DOCK8: variants seen among roughly 807,000 people sequenced by gnomAD.
The protein encoded by DOCK8 is dedicator of cytokinesis protein 8.
DOCK8 carries 141 observed loss-of-function variants against 245.6 expected under a neutral mutation model. That is an observed-to-expected ratio of 0.57 (90% CI 0.50 to 0.66). The LOEUF is 0.66. Among genes scored for constraint, DOCK8 ranks in the 30% least tolerant of loss-of-function variants. DOCK8 has a pLI of 0.00. For missense variants in DOCK8, 2,965 were observed against 2,603.4 expected, an observed-to-expected ratio of 1.14 and a Z score of -3.02; for synonymous variants, 1,168 against 970.2, an observed-to-expected ratio of 1.20 and a Z score of -3.79.
At chr9:415,177 C>T (rs1448872723) in intron 29 of DOCK8, among the ~76,000 whole-genome samples, 1 of 152,170 alleles carries the variant, frequency 6.6e-6, no homozygotes, top group African/African-American at 2.4e-5. Context: ...TTACTTGTTT[C>T]TTCATTCATT....
rs570234541 is a variant in DOCK8 at position 387,202 on chromosome 9, C to T, written c.2874+776C>T. On this transcript the variant is annotated intron_variant, in intron 23 of 47. Coordinates refer to ENST00000432829, the MANE Select transcript of DOCK8 (RefSeq NM_203447.4). ...TTCATACCTGTATTCCCAGCACTTT[C>T]GGAGGCCGAGGTGGGTGGATCACCT... Among the ~76,000 whole-genome samples the T allele has an allele frequency of 5.3e-5, 8 of 152,130 alleles. No homozygotes were observed. In the South Asian group the frequency reaches 8.3e-4, roughly 16 times the overall value.
rs1173666593 is a variant in DOCK8 at position 421,071 on chromosome 9, G to A, written c.4146G>A (p.Arg1382=). 1 of 1,614,054 alleles carries A rather than the reference G, an allele frequency of 6.2e-7. No homozygotes were observed. The highest frequency in any genetic ancestry group is 1.1e-5 in the South Asian group (1 of 91,082). The change falls in exon 32 of 48, where the codon CGG becomes CGA. Residue 1382 remains arginine (R), a synonymous_variant. Transcript: ENST00000432829. ...EGARGEMMRR[R]APGNDRFPGL... is the part of the protein sequence containing the mutation. ...CCAGAGGGGAGATGATGCGCCGCCGGGCTCCAGGTGTGTTGGACTGGCCCT... is the reference window on the plus strand; with the variant it reads ...CCAGAGGGGAGATGATGCGCCGCCGAGCTCCAGGTGTGTTGGACTGGCCCT...
intron 10 of DOCK8, among the ~76,000 whole-genome samples, chr9:333,471 C>G (rs187704987): frequency 4.9e-4 from 74 of 152,094 alleles, no homozygotes; most frequent in Non-Finnish European, 6.0e-4. Flanking sequence ...CATGGTGGCA[C>G]GTGCCTGTAT....
intron 1 of DOCK8, among the ~76,000 whole-genome samples, chr9:250,517 C>G (rs1289148334): frequency 1.3e-5 from 2 of 152,144 alleles, no homozygotes; most frequent in African/African-American, 4.8e-5. Flanking sequence ...CTGGGTTTTT[C>G]CTTATTGGGA....
intron 15 of DOCK8, 169 bp downstream of exon 15, chr9:368,304 A>T: frequency 1.3e-6 from 1 of 761,018 alleles, no homozygotes. Flanking sequence ...AAACAGGGTC[A>T]GTCTTACTTG....
rs193083809 is a variant in DOCK8 at position 230,390 on chromosome 9, A to G, written c.53+15361A>G. ...GTGCATGTGTCTTTATAGCAGCATG[A>G]TTTATAGTCCTTTGGGAATATACCC... On this transcript the variant is annotated intron_variant, in intron 1 of 47. Coordinates refer to ENST00000432829, the MANE Select transcript of DOCK8 (RefSeq NM_203447.4). 6.9e-3 allele frequency among the ~76,000 whole-genome samples: 1,047 copies of G among 152,262 alleles called. 9 individuals are homozygous for G. Among genetic ancestry groups the G allele is most frequent in the Middle Eastern group, 0.037 (11 of 294 alleles).
intron 6 of DOCK8, among the ~76,000 whole-genome samples, chr9:316,057 T>C (rs1172432800): frequency 3.3e-5 from 5 of 151,828 alleles, no homozygotes; most frequent in African/African-American, 7.3e-5. Context: ...CAGGGAGAGG[T>C]TGGAGTAATG....
intron 40 of DOCK8, among the ~76,000 whole-genome samples, chr9:439,592 C>A (rs1008999646): frequency 9.2e-5 from 14 of 152,220 alleles, no homozygotes; most frequent in African/African-American, 3.4e-4. Flanking sequence ...GATAACCTTT[C>A]ATCACAGTGC....
intron 20 of DOCK8, among the ~76,000 whole-genome samples, chr9:379,033 G>C (rs2053631025): frequency 6.6e-6 from 1 of 152,184 alleles, no homozygotes; most frequent in African/African-American, 2.4e-5. Flanking sequence ...GTGGATGGGA[G>C]TGAGGAGGGC....
intron 14 of DOCK8, among the ~76,000 whole-genome samples, chr9:353,675 C>CA (rs978712089): frequency 3.3e-4 from 49 of 149,766 alleles, no homozygotes; most frequent in East Asian, 1.7e-3. Context: ...CTGGTGGCCT[C>CA]AAAAAAAAAG....
Position 426,912 on chromosome 9 carries a change from C to T in DOCK8, c.4269C>T (p.Ala1423=), listed in dbSNP as rs756260480. 2 of 1,614,084 alleles carry T rather than the reference C, an allele frequency of 1.2e-6. No individual in the cohort carries two copies. The highest frequency in any genetic ancestry group is 1.7e-6 in the Non-Finnish European group (2 of 1,180,024). The part of the protein sequence containing the change: ...DKTKAELDQE[A]LISGNLATEA... ...CAAAGGCCGAGTTAGATCAAGAAGC[C>T]TTGATCAGTGGCAATCTGGCTACAG... The change falls in exon 34 of 48, where the codon GCC becomes GCT. Residue 1423 remains alanine, a synonymous_variant. Transcript: ENST00000432829.
chr9:302,611 G>T (rs1004194359), intron 4 of DOCK8, among the ~76,000 whole-genome samples: 1 of 152,190 alleles, frequency 6.6e-6, no homozygotes, highest in Admixed American at 6.5e-5. Context: ...TCTGAAGAAT[G>T]TCTGATATCC....
intron 6 of DOCK8, among the ~76,000 whole-genome samples, chr9:315,141 T>C (rs2050286539): frequency 1.3e-5 from 2 of 152,058 alleles, no homozygotes; most frequent in Non-Finnish European, 1.5e-5. Context: ...CCTAAGAAAA[T>C]CACAGGTAGG....
chr9:280,724 G>A (rs1027555940), intron 2 of DOCK8: 1 of 152,134 alleles, frequency 6.6e-6, no homozygotes, highest in Non-Finnish European at 1.5e-5. Flanking sequence ...CTAAATGACT[G>A]ATGATGTAAC....
chr9:241,831 T>C (rs2047380170), intron 1 of DOCK8, among the ~76,000 whole-genome samples: 1 of 152,164 alleles, frequency 6.6e-6, no homozygotes, highest in Admixed American at 6.5e-5. Context: ...TTCAAATTTT[T>C]TATTTTGTTA....
intron 9 of DOCK8, among the ~76,000 whole-genome samples, chr9:331,691 TG>T (rs2051021948): frequency 6.6e-6 from 1 of 152,232 alleles, no homozygotes; most frequent in African/African-American, 2.4e-5. Context: ...TTATGACAAC[TG>T]GCCAGCCAGT....
At chr9:223,703 A>C (rs2046931535) in intron 1 of DOCK8, among the ~76,000 whole-genome samples, 1 of 152,008 alleles carries the variant, frequency 6.6e-6, no homozygotes, top group Non-Finnish European at 1.5e-5. Context: ...TAATATGGCA[A>C]GTATCTAAAG....
rs917696077 is a variant in DOCK8 at position 420,887 on chromosome 9, A to G, written c.4024-62A>G. 2.5e-6 allele frequency: 4 copies of G among 1,603,846 alleles called. No homozygotes were observed. The South Asian group carries it at 4.4e-5, about 18-fold the overall frequency. ...TCACTGTGGAGTGTACTGTTTTGGT[A>G]ACTCTCCCCATCAACGGAGATCTCA... On this transcript the variant is annotated intron_variant, in intron 31 of 47. Coordinates refer to ENST00000432829, the MANE Select transcript of DOCK8 (RefSeq NM_203447.4).
chr9:362,677 C>G (rs1377349649), intron 14 of DOCK8, among the ~76,000 whole-genome samples: 1 of 152,200 alleles, frequency 6.6e-6, no homozygotes, highest in South Asian at 2.1e-4. Flanking sequence ...GTCGCTTAAA[C>G]AGGTGGCCAG....
Sources: allele counts gnomAD v4.1 joint callset (sites outside exome capture counted in the v4.1 genomes callset), GRCh38; gene constraint gnomAD v4.1.1; transcripts MANE v1.5; gene names NCBI Gene and HGNC (gene_info 2026-07-23, HGNC 2026-07-21).